UVRAG: variants seen among roughly 807,000 people sequenced by gnomAD.
The protein encoded by UVRAG is UV radiation resistance associated.
Under a neutral mutation model 78.0 loss-of-function variants are expected in UVRAG, and 19 were observed. The observed-to-expected ratio is 0.24, with a 90% confidence interval of 0.17 to 0.36. UVRAG has a LOEUF of 0.36. UVRAG is among the 10% of genes least tolerant of loss of function. The pLI is 1.00. For synonymous variants in UVRAG, 323 were observed against 324.6 expected (o/e 1.00, Z 0.05); for missense variants, 740 against 853.8 (o/e 0.87, Z 1.66).
intron 5 of UVRAG, among the ~76,000 whole-genome samples, chr11:75,893,448 TAAG>T (rs1361177251): frequency 2.0e-5 from 3 of 151,656 alleles, no homozygotes; most frequent in Middle Eastern, 6.8e-3. Flanking sequence ...TGCAGAACTT[TAAG>T]AATAATCCTA....
chr11:76,062,322 G>T (rs530394663), intron 12 of UVRAG, among the ~76,000 whole-genome samples: 1 of 152,078 alleles, frequency 6.6e-6, no homozygotes, highest in South Asian at 2.1e-4. Context: ...CTTTTTGGAG[G>T]CCGCCGTGTA....
chr11:76,105,275 C>T (rs1397894773), intron 13 of UVRAG, among the ~76,000 whole-genome samples: 1 of 152,078 alleles, frequency 6.6e-6, no homozygotes, highest in East Asian at 1.9e-4. Flanking sequence ...CGTGGTGGTG[C>T]ACACCTGTAG....
In UVRAG at chr11:76,141,036, G is replaced by A. The variant is rs1952712694; in HGVS notation, c.1723G>A (p.Gly575Ser). 1 of 1,614,046 alleles carries A rather than the reference G, an allele frequency of 6.2e-7. No individual in the cohort carries two copies. The highest frequency in any genetic ancestry group is 1.7e-5 in the Admixed American group (1 of 59,994). ...GEDLVGSLNG[G>S]HANVHPSQEQ... ...GGATCTAGTTGGCAGCTTAAACGGA[G>A]GCCACGCGAATGTGCACCCTAGCCA... Residue 575 changes from glycine (G) to serine (S), a missense_variant, in exon 15 of 15, where the codon GGC (glycine) becomes AGC (serine). Physicochemically the swap from Gly to Ser is moderately conservative, Grantham distance 56. Coordinates refer to ENST00000356136, the MANE Select transcript of UVRAG (RefSeq NM_003369.4).
intron 5 of UVRAG, among the ~76,000 whole-genome samples, chr11:75,904,345 C>T (rs1484314739): frequency 6.6e-6 from 1 of 152,190 alleles, no homozygotes; most frequent in African/African-American, 2.4e-5. Context: ...ACATGTAAAT[C>T]TCTTCTGGGC....
intron 7 of UVRAG, among the ~76,000 whole-genome samples, chr11:75,974,095 G>A (rs554090674): frequency 1.3e-5 from 2 of 152,178 alleles, no homozygotes; most frequent in Non-Finnish European, 2.9e-5. Context: ...GGGCCAAATG[G>A]TATTTCTAGT....
chr11:75,960,198 ATTTG>A (rs1408888373), intron 6 of UVRAG, among the ~76,000 whole-genome samples: 1 of 147,216 alleles, frequency 6.8e-6, no homozygotes, highest in East Asian at 1.9e-4. Context: ...CAAACCTTCA[ATTTG>A]TTTTTTTTTT....
chr11:75,835,161 G>A (rs908874016), intron 1 of UVRAG: 1 of 152,108 alleles, frequency 6.6e-6, no homozygotes, highest in Non-Finnish European at 1.5e-5. Context: ...ATTTTTGTGT[G>A]TATCATGTGT....
intron 14 of UVRAG, among the ~76,000 whole-genome samples, chr11:76,138,804 A>T (rs562371141): frequency 6.6e-6 from 1 of 152,370 alleles, no homozygotes; most frequent in South Asian, 2.1e-4. Flanking sequence ...TTTTCTGCAC[A>T]GAATAGACTG....
chr11:75,889,749 G>A (rs998282746), intron 5 of UVRAG, among the ~76,000 whole-genome samples: 7 of 152,220 alleles, frequency 4.6e-5, no homozygotes, highest in African/African-American at 1.7e-4. Context: ...GAACACAGTG[G>A]TGAGCAAATG....
intron 1 of UVRAG, among the ~76,000 whole-genome samples, chr11:75,832,731 C>T (rs968922937): frequency 1.3e-5 from 2 of 152,190 alleles, no homozygotes; most frequent in African/African-American, 4.8e-5. Flanking sequence ...TTTTAACCCT[C>T]TAATCATGCC....
chr11:75,907,358 C>T (rs1012411015), intron 5 of UVRAG, among the ~76,000 whole-genome samples: 6 of 149,944 alleles, frequency 4.0e-5, no homozygotes, highest in African/African-American at 1.5e-4. Context: ...TGTAGATGCC[C>T]TTTATCAGGT....
At chr11:76,002,887 A>T (rs1949844470) in intron 8 of UVRAG, among the ~76,000 whole-genome samples, 1 of 152,194 alleles carries the variant, frequency 6.6e-6, no homozygotes, top group Admixed American at 6.5e-5. Flanking sequence ...ATCAGCCTGG[A>T]CAACATGGTG....
At chr11:75,881,256 A>G (rs1946938099) in intron 4 of UVRAG, among the ~76,000 whole-genome samples, 1 of 152,180 alleles carries the variant, frequency 6.6e-6, no homozygotes, top group South Asian at 2.1e-4. Flanking sequence ...AGACGTGCCC[A>G]AGGTGGTTGG....
At position 75,994,397 on chromosome 11, in the gene UVRAG, CACAG is replaced by C. The variant is rs961563776; in HGVS notation, c.827-9604_827-9601del. ...AAGTTAAATGACTTGGCCAGGAACA[CACAG>C]ACAATTAGCAGCAAAGTTGAGATGT... is the stretch of plus-strand genomic sequence containing the variant. On this transcript the variant is annotated intron_variant, in intron 8 of 14. Coordinates refer to ENST00000356136, the MANE Select transcript of UVRAG (RefSeq NM_003369.4). Among the ~76,000 whole-genome samples, 8 of 152,250 alleles carry C rather than the reference CACAG, an allele frequency of 5.3e-5. No individual in the cohort carries two copies. In the South Asian group the frequency reaches 1.7e-3, roughly 32 times the overall value.
chr11:76,092,359 A>G (rs1273472530), intron 13 of UVRAG, among the ~76,000 whole-genome samples: 2 of 152,132 alleles, frequency 1.3e-5, no homozygotes, highest in Admixed American at 1.3e-4. Context: ...ACCCAGTAAT[A>G]GGATGGCTGG....
At chr11:75,935,440 T>C (rs1948347448) in intron 6 of UVRAG, among the ~76,000 whole-genome samples, 2 of 152,180 alleles carry the variant, frequency 1.3e-5, no homozygotes, top group African/African-American at 2.4e-5. Context: ...TTGTGAAATA[T>C]GTCAGCTAGG....
chr11:76,140,775 G>A lies in UVRAG; in HGVS notation c.1462G>A (p.Ala488Thr), dbSNP rs1474279499. The A allele has an allele frequency of 9.3e-6, 15 of 1,613,654 alleles. No individual in the cohort carries two copies. Among genetic ancestry groups the A allele is most frequent in the South Asian group, 3.3e-5 (3 of 90,984 alleles). Residue 488 changes from alanine to threonine, a missense_variant, in exon 15 of 15, where the codon GCA (alanine) becomes ACA (threonine). Physicochemically the swap from Ala to Thr is moderately conservative, Grantham distance 58. Coordinates refer to ENST00000356136, the MANE Select transcript of UVRAG (RefSeq NM_003369.4). ...PKRQSSIFGG[A>T]DVGFSGGIPS... ...GAGACAAAGCTCCATATTTGGGGGT[G>A]CAGATGTAGGCTTCTCTGGGGGGAT...
At chr11:76,088,556 G>A (rs1233928829) in intron 13 of UVRAG, among the ~76,000 whole-genome samples, 1 of 136,570 alleles carries the variant, frequency 7.3e-6, no homozygotes, top group East Asian at 2.2e-4. Flanking sequence ...TGATCTATCT[G>A]TCTTCTCTCT....
At chr11:76,061,576 C>T (rs1951096086) in intron 12 of UVRAG, among the ~76,000 whole-genome samples, 1 of 152,056 alleles carries the variant, frequency 6.6e-6, no homozygotes, top group African/African-American at 2.4e-5. Flanking sequence ...ACGAACCCAC[C>T]GGGAGGAACG....
Sources: allele counts gnomAD v4.1 joint callset (sites outside exome capture counted in the v4.1 genomes callset), GRCh38; gene constraint gnomAD v4.1.1; transcripts MANE v1.5; gene names NCBI Gene and HGNC (gene_info 2026-07-23, HGNC 2026-07-21).